The following NKAIN2 variants were observed in gnomAD, a reference collection of about 807,000 sequenced individuals.
The protein encoded by NKAIN2 is sodium/potassium transporting ATPase interacting 2, also known as sodium/potassium-transporting ATPase subunit beta-1-interacting protein 2.
A neutral mutation model predicts 32.6 loss-of-function variants in NKAIN2; 14 were observed. That is an observed-to-expected ratio of 0.43 (90% CI 0.28 to 0.67). NKAIN2 has a LOEUF of 0.67. NKAIN2 is among the 30% of genes least tolerant of loss of function. NKAIN2 has a pLI of 0.17. For synonymous variants in NKAIN2, 80 were observed against 87.2 expected (o/e 0.92, Z 0.46); for missense variants, 198 against 258.3 (o/e 0.77, Z 1.60).
intron 1 of NKAIN2, among the ~76,000 whole-genome samples, chr6:123,871,787 A>G (rs1254717879): frequency 6.6e-6 from 1 of 152,236 alleles, no homozygotes; most frequent in Non-Finnish European, 1.5e-5. Context: ...ATGTTTAAAA[A>G]GTTAAACATT....
At chr6:124,337,561 A>G (rs572821755) in intron 2 of NKAIN2, among the ~76,000 whole-genome samples, 1 of 152,346 alleles carries the variant, frequency 6.6e-6, no homozygotes, top group East Asian at 1.9e-4. Flanking sequence ...CACCTAGTTT[A>G]GAATTCTGTA....
chr6:124,371,931 C>T (rs1799788518), intron 3 of NKAIN2, among the ~76,000 whole-genome samples: 1 of 152,010 alleles, frequency 6.6e-6, no homozygotes, highest in South Asian at 2.1e-4. Context: ...GCACACATGA[C>T]GTGATCCTGT....
intron 1 of NKAIN2, among the ~76,000 whole-genome samples, chr6:124,274,089 A>C (rs1336507774): frequency 6.6e-6 from 1 of 152,204 alleles, no homozygotes; most frequent in Non-Finnish European, 1.5e-5. Context: ...ATAAATGAGA[A>C]TCAGACTACA....
At chr6:124,338,884 C>T (rs1305402154) in intron 2 of NKAIN2, among the ~76,000 whole-genome samples, 2 of 152,176 alleles carry the variant, frequency 1.3e-5, no homozygotes, top group Non-Finnish European at 2.9e-5. Context: ...TTACACTACT[C>T]CACAAGTATT....
intron 1 of NKAIN2, among the ~76,000 whole-genome samples, chr6:123,875,949 G>A (rs1478431189): frequency 6.6e-6 from 1 of 151,892 alleles, no homozygotes; most frequent in African/African-American, 2.4e-5. Flanking sequence ...TATACCCCAG[G>A]AAGTTTCAGG....
At chr6:124,360,823 T>A (rs1325026455) in intron 3 of NKAIN2, among the ~76,000 whole-genome samples, 1 of 152,196 alleles carries the variant, frequency 6.6e-6, no homozygotes, top group Non-Finnish European at 1.5e-5. Context: ...TGGGTTGATA[T>A]TTTCCTAGAT....
chr6:123,967,864 T>A (rs530908851), intron 1 of NKAIN2, among the ~76,000 whole-genome samples: 1 of 152,290 alleles, frequency 6.6e-6, no homozygotes, highest in African/African-American at 2.4e-5. Context: ...AAAGGTGCCC[T>A]GAGGAGCCAG....
chr6:124,574,026 C>T (rs750718968), intron 3 of NKAIN2, among the ~76,000 whole-genome samples: 3 of 152,010 alleles, frequency 2.0e-5, no homozygotes, highest in Non-Finnish European at 2.9e-5. Context: ...ATTGGAAAAG[C>T]TCTGTGCATT....
At chr6:124,147,098 G>T (rs986730494) in intron 1 of NKAIN2, among the ~76,000 whole-genome samples, 1 of 152,116 alleles carries the variant, frequency 6.6e-6, no homozygotes, top group Non-Finnish European at 1.5e-5. Flanking sequence ...ACTTGTGCTT[G>T]CACTGATTTT....
At chr6:123,956,113 A>T (rs1023878919) in intron 1 of NKAIN2, among the ~76,000 whole-genome samples, 2 of 152,192 alleles carry the variant, frequency 1.3e-5, no homozygotes, top group Admixed American at 6.5e-5. Context: ...AACTTTACGT[A>T]ATTACATGTA....
chr6:124,361,843 T>A (rs1562514364), intron 3 of NKAIN2, among the ~76,000 whole-genome samples: 1 of 152,110 alleles, frequency 6.6e-6, no homozygotes, highest in Non-Finnish European at 1.5e-5. Flanking sequence ...TGTGGAATAA[T>A]GTACTGTTCC....
chr6:124,243,038 TA>T (rs11410948), intron 1 of NKAIN2, among the ~76,000 whole-genome samples: 112 of 135,492 alleles, frequency 8.3e-4, no homozygotes, highest in Middle Eastern at 3.8e-3. Flanking sequence ...AAAGTATAAT[TA>T]AAAAAAAAAA....
chr6:124,230,497 G>C (rs557381490), intron 1 of NKAIN2, among the ~76,000 whole-genome samples: 4 of 152,152 alleles, frequency 2.6e-5, no homozygotes, highest in African/African-American at 9.6e-5. Flanking sequence ...TCTTTAGGGC[G>C]TGTCAGAGCC....
At chr6:124,281,579 G>A (rs73770390) in intron 1 of NKAIN2, among the ~76,000 whole-genome samples, 4,665 of 152,132 alleles carry the variant, frequency 0.031, 237 homozygotes, top group African/African-American at 0.11. Context: ...AACAAATCAA[G>A]GTTCTTTTGT....
intron 4 of NKAIN2, among the ~76,000 whole-genome samples, chr6:124,699,644 C>A (rs1268217370): frequency 6.6e-6 from 1 of 152,146 alleles, no homozygotes; most frequent in East Asian, 1.9e-4. Context: ...GCTGCTCCAG[C>A]CATGTAAGAC....
chr6:123,832,396 T>C (rs758740595), intron 1 of NKAIN2, among the ~76,000 whole-genome samples: 8 of 152,366 alleles, frequency 5.3e-5, no homozygotes, highest in Admixed American at 2.6e-4. Context: ...TCAGTTGCTC[T>C]CATGGTTTGG....
At chr6:124,646,821 C>A (rs1784186917) in intron 3 of NKAIN2, among the ~76,000 whole-genome samples, 1 of 151,990 alleles carries the variant, frequency 6.6e-6, no homozygotes, top group Non-Finnish European at 1.5e-5. Flanking sequence ...TGTGGTGGTG[C>A]ATGCCTGTAA....
chr6:124,104,739 G>A (rs1025058972), intron 1 of NKAIN2, among the ~76,000 whole-genome samples: 1 of 152,188 alleles, frequency 6.6e-6, no homozygotes, highest in Non-Finnish European at 1.5e-5. Flanking sequence ...TGTTCTAAAT[G>A]AGATTACTTC....
intron 1 of NKAIN2, among the ~76,000 whole-genome samples, chr6:124,176,238 G>T (rs1489643042): frequency 1.3e-5 from 2 of 152,100 alleles, no homozygotes; most frequent in Non-Finnish European, 2.9e-5. Flanking sequence ...TTGGAAAATG[G>T]CTCTGATAAG....
Sources: allele counts gnomAD v4.1 joint callset (sites outside exome capture counted in the v4.1 genomes callset), GRCh38; gene constraint gnomAD v4.1.1; transcripts MANE v1.5; gene names NCBI Gene and HGNC (gene_info 2026-07-23, HGNC 2026-07-21).